Variants in CDC42BPA observed in about 807,000 individuals in gnomAD.
CDC42BPA encodes serine/threonine-protein kinase MRCK alpha.
Under a neutral mutation model 223.5 loss-of-function variants are expected in CDC42BPA, and 80 were observed. That is an observed-to-expected ratio of 0.36 (90% confidence interval 0.30 to 0.43). The LOEUF (loss-of-function observed/expected upper bound fraction) is 0.43. Among genes scored for constraint, CDC42BPA ranks in the 20% least tolerant of loss-of-function variants. The pLI is 1.00. For synonymous variants in CDC42BPA, 694 were observed against 718.6 expected, an observed-to-expected ratio of 0.97 and a Z score of 0.55; for missense variants, 1,743 against 2,099.9, an observed-to-expected ratio of 0.83 and a Z score of 3.32.
intron 2 of CDC42BPA, among the ~76,000 whole-genome samples, chr1:227,223,048 AAAAGT>A (rs1351567457): frequency 6.6e-6 from 1 of 152,222 alleles, no homozygotes; most frequent in Non-Finnish European, 1.5e-5. Context: ...GGGTCCTATA[AAAAGT>A]AAAGAAGAGA....
intron 11 of CDC42BPA, among the ~76,000 whole-genome samples, chr1:227,125,387 G>A (rs941804436): frequency 2.0e-5 from 3 of 151,818 alleles, no homozygotes; most frequent in African/African-American, 7.3e-5. Flanking sequence ...TGAGGAGGGC[G>A]AATCACTTGA....
intron 12 of CDC42BPA, among the ~76,000 whole-genome samples, chr1:227,116,202 A>G (rs1379564817): frequency 1.3e-5 from 2 of 152,200 alleles, no homozygotes; most frequent in African/African-American, 2.4e-5. Context: ...CTATACTATC[A>G]CAGTATTATA....
chr1:227,188,339 T>C (rs1669166840), intron 5 of CDC42BPA, among the ~76,000 whole-genome samples: 1 of 151,996 alleles, frequency 6.6e-6, no homozygotes, highest in Admixed American at 6.6e-5. Context: ...TAAATTTATA[T>C]TGCAAACTCT....
In CDC42BPA at chr1:227,229,177, ATTGAG is replaced by A. The variant is rs371253611; in HGVS notation, c.271-15963_271-15959del. On this transcript the variant is annotated intron_variant, in intron 2 of 36. Transcript: ENST00000366766. Reference sequence around the variant, plus strand: ...TGTTACATTTATGTCTATGATCTATATTGAGTTAATTTTTGAATATGGTATGAAGT... The same window carrying A: ...TGTTACATTTATGTCTATGATCTATATTAATTTTTGAATATGGTATGAAGT... Among the ~76,000 whole-genome samples the A allele has an allele frequency of 2.8e-3, 428 of 152,246 alleles. 3 individuals carry two copies. Among genetic ancestry groups the A allele is most frequent in the African/African-American group, 9.9e-3 (413 of 41,556 alleles).
intron 10 of CDC42BPA, among the ~76,000 whole-genome samples, chr1:227,131,715 A>G (rs996999039): frequency 1.3e-5 from 2 of 152,332 alleles, no homozygotes; most frequent in African/African-American, 4.8e-5. Context: ...ATATTGTGGA[A>G]TCATGTAAGG....
chr1:227,081,133 T>A, intron 16 of CDC42BPA, 116 bp from the exon 17 acceptor site: 1 of 963,434 alleles, frequency 1.0e-6, no homozygotes, highest in Non-Finnish European at 1.6e-6. Context: ...CCTGTCTTAT[T>A]ATAATAATCC....
Position 227,146,098 on chromosome 1 carries a change from TTAAC to T in CDC42BPA, c.895-365_895-362del, listed in dbSNP as rs542640686. Among the ~76,000 whole-genome samples, 437 of 152,288 alleles carry T rather than the reference TTAAC, an allele frequency of 2.9e-3. 3 individuals carry two copies. The highest frequency in any genetic ancestry group is 0.01 in the African/African-American group (419 of 41,578). On this transcript the variant is annotated intron_variant, in intron 7 of 36. Coordinates refer to ENST00000366766, the MANE Select transcript of CDC42BPA (RefSeq NM_001394014.1). Reference sequence around the variant, plus strand: ...GGTCATATAAGTTACATACTAATGATTAACTAATAATAAATATTTTTAAAGGACA... The same window carrying T: ...GGTCATATAAGTTACATACTAATGATTAATAATAAATATTTTTAAAGGACA...
At chr1:227,056,735 A>G (rs1170857253) in intron 21 of CDC42BPA, among the ~76,000 whole-genome samples, 1 of 152,216 alleles carries the variant, frequency 6.6e-6, no homozygotes, top group African/African-American at 2.4e-5. Flanking sequence ...AGCTAGAAGT[A>G]TTTTGAAAAC....
At chr1:227,299,822 C>T (rs1158602417) in intron 1 of CDC42BPA, among the ~76,000 whole-genome samples, 2 of 152,094 alleles carry the variant, frequency 1.3e-5, no homozygotes, top group East Asian at 3.9e-4. Context: ...TACAAGGAAG[C>T]AAAGTATTAC....
intron 35 of CDC42BPA, among the ~76,000 whole-genome samples, chr1:226,997,435 G>T (rs556830482): frequency 6.6e-6 from 1 of 152,016 alleles, no homozygotes; most frequent in East Asian, 1.9e-4. Context: ...AGGGTTTTTC[G>T]TGTCTCTATC....
chr1:227,174,440 A>C (rs1174322300), intron 5 of CDC42BPA, among the ~76,000 whole-genome samples: 1 of 152,180 alleles, frequency 6.6e-6, no homozygotes. Context: ...ATCAGCGCAA[A>C]GCTCTGGTAT....
Position 227,230,816 on chromosome 1 carries a change from CTTTCTT to C in CDC42BPA, c.271-17603_271-17598del, listed in dbSNP as rs1677752931. On this transcript the variant is annotated intron_variant, in intron 2 of 36. Transcript: ENST00000366766. The stretch of plus-strand genomic sequence containing the variant: ...ACTGATTTCTATTTCTTTTTTCTTT[CTTTCTT>C]TTTTTTTTTTTTTTTTTGAGACAGA... Among the ~76,000 whole-genome samples, 11 of 54,062 alleles carry C rather than the reference CTTTCTT, an allele frequency of 2.0e-4. 1 individual carries two copies. The South Asian group carries it at 2.2e-3, about 11-fold the overall frequency. 35.5% of individuals were successfully genotyped at this position (54,062 alleles called of 152,430 possible).
chr1:227,222,521 A>AC (rs900734761), intron 2 of CDC42BPA, among the ~76,000 whole-genome samples: 1 of 151,956 alleles, frequency 6.6e-6, no homozygotes, highest in Non-Finnish European at 1.5e-5. Flanking sequence ...AACAACAACA[A>AC]AAAAACTATC....
At chr1:227,056,328 GTTGT>G (rs1282710999) in intron 21 of CDC42BPA, among the ~76,000 whole-genome samples, 2 of 151,748 alleles carry the variant, frequency 1.3e-5, no homozygotes, top group Non-Finnish European at 2.9e-5. Context: ...CATCTAACAA[GTTGT>G]TTGTTATTGG....
At chr1:227,124,240 C>T (rs902847930) in intron 11 of CDC42BPA, among the ~76,000 whole-genome samples, 3 of 151,980 alleles carry the variant, frequency 2.0e-5, no homozygotes, top group Admixed American at 6.6e-5. Flanking sequence ...ATAAAACTGT[C>T]GCATTTTTTT....
chr1:227,014,648 A>G (rs1449023491), intron 34 of CDC42BPA, among the ~76,000 whole-genome samples: 6 of 152,246 alleles, frequency 3.9e-5, no homozygotes, highest in Non-Finnish European at 5.9e-5. Context: ...ATAGATGTTT[A>G]TATCTTCTAT....
intron 24 of CDC42BPA, among the ~76,000 whole-genome samples, chr1:227,038,235 G>A (rs958093443): frequency 4.9e-5 from 7 of 142,330 alleles, no homozygotes; most frequent in African/African-American, 1.9e-4. Context: ...CTTGCCTGCC[G>A]ACATGTAAGA....
chr1:227,003,093 C>A (rs1663209331), intron 35 of CDC42BPA, among the ~76,000 whole-genome samples: 1 of 151,980 alleles, frequency 6.6e-6, no homozygotes, highest in Admixed American at 6.6e-5. Context: ...AATACCTGGG[C>A]ACAAATTGGG....
rs77611905 is a variant in CDC42BPA, at chr1:227,021,823, T to C, written c.4615+1440A>G. Among the ~76,000 whole-genome samples the C allele has an allele frequency of 2.7e-3, 410 of 151,876 alleles. 13 individuals carry two copies. The East Asian group carries it at 0.052, about 19-fold the overall frequency. ...ACACGAGGTCAGGAGATGGAGATCATCCTGGCCAACATGGTGAAACCCCGT... is the reference window on the plus strand; with the variant it reads ...ACACGAGGTCAGGAGATGGAGATCACCCTGGCCAACATGGTGAAACCCCGT... On this transcript the variant is annotated intron_variant, in intron 32 of 36. Transcript: ENST00000366766.
Sources: allele counts gnomAD v4.1 joint callset (sites outside exome capture counted in the v4.1 genomes callset), GRCh38; gene constraint gnomAD v4.1.1; transcripts MANE v1.5; gene names NCBI Gene and HGNC (gene_info 2026-07-23, HGNC 2026-07-21).